The following SEC22C variants were observed in gnomAD, a reference collection of about 807,000 sequenced individuals.
SEC22C encodes the protein vesicle-trafficking protein SEC22c.
Under a neutral mutation model 34.7 loss-of-function variants are expected in SEC22C, and 29 were observed. The ratio of observed to expected loss-of-function variants is 0.84; its 90% confidence interval spans 0.62 to 1.14. The LOEUF is 1.14. Among genes scored for constraint, SEC22C ranks in the 50% most tolerant of loss-of-function variants. SEC22C has a pLI of 0.00. For missense variants in SEC22C, 337 were observed against 369.0 expected (o/e 0.91, Z 0.71); for synonymous variants, 117 against 132.8 (o/e 0.88, Z 0.82).
At chr3:42,562,223 T>C (rs1458348513) in intron 3 of SEC22C, among the ~76,000 whole-genome samples, 6 of 152,170 alleles carry the variant, frequency 3.9e-5, no homozygotes, top group African/African-American at 1.4e-4. Flanking sequence ...TGAGCAAACA[T>C]GATGCTGGAA....
At position 42,594,443 on chromosome 3, in the gene SEC22C, A is replaced by G. The variant is rs138199530; in HGVS notation, c.-28+6517T>C. The G allele has an allele frequency of 8.1e-5, 130 of 1,613,954 alleles. 1 individual carries two copies. The Middle Eastern group carries it at 1.5e-3, about 18-fold the overall frequency. ...ATAGGTACCAGCATGTGTTACATAG[A>G]AATCTCATTTATTTGGCTACCATTG... is the stretch of plus-strand genomic sequence containing the variant. On this transcript the variant is annotated intron_variant, in intron 1 of 6. Coordinates refer to the SEC22C transcript ENST00000417572.
At chr3:42,558,267 G>A (rs1022310179) in intron 4 of SEC22C, among the ~76,000 whole-genome samples, 1 of 151,672 alleles carries the variant, frequency 6.6e-6, no homozygotes, top group Non-Finnish European at 1.5e-5. Flanking sequence ...GATCACGTCA[G>A]CCCAGGAGTT....
chr3:42,549,035 T>A lies in SEC22C; in HGVS notation c.*4213A>T. The A allele has an allele frequency of 3.0e-6, 3 of 988,944 alleles. No individual in the cohort carries two copies. In the South Asian group the frequency reaches 1.3e-4, roughly 41 times the overall value. 61.3% of individuals were successfully genotyped at this position (988,944 alleles called of 1,614,324 possible). On this transcript the variant is annotated 3_prime_UTR_variant, in exon 7 of 7. Coordinates refer to ENST00000264454, the MANE Select transcript of SEC22C (RefSeq NM_032970.4). ...GGGCAGTGATTTGTGCACTGCGACA[T>A]AGGACTCAGTGAAGAGCCTAGCCAG...
chr3:42,555,849 T>C (rs1332845734), intron 6 of SEC22C, 81 bp downstream of exon 6: 9 of 1,192,270 alleles, frequency 7.5e-6, no homozygotes, highest in African/African-American at 1.5e-5. Context: ...AAATCACATC[T>C]AGAAACTTGC....
Position 42,556,091 on chromosome 3 carries a change from T to C in SEC22C, c.646-96A>G, listed in dbSNP as rs944860594. On this transcript the variant is annotated intron_variant, in intron 5 of 6. Transcript: ENST00000264454. ...TTACTCTGCCTTCTGTCTGGTATGGTTGACAGTACAAAATCCCTGGCTGGG... is the reference window on the plus strand; with the variant it reads ...TTACTCTGCCTTCTGTCTGGTATGGCTGACAGTACAAAATCCCTGGCTGGG... 3.3e-6 allele frequency: 3 copies of C among 905,942 alleles called. No homozygotes were observed. The African/African-American group carries it at 5.1e-5, about 15-fold the overall frequency. 56.1% of individuals were successfully genotyped at this position (905,942 alleles called of 1,614,324 possible). A position where few individuals can be genotyped will look rare whatever the true frequency, so the allele number is the denominator to read the frequency against.
chr3:42,598,921 A>ATAGATCTATAGATATCTAGATATCTG (rs895126914), intron 1 of SEC22C, among the ~76,000 whole-genome samples: 4 of 146,086 alleles, frequency 2.7e-5, no homozygotes, highest in African/African-American at 7.7e-5. Flanking sequence ...ATATATATCT[A>ATAGATCTATAGATATCTAGATATCTG]TAGATCTATA....
chr3:42,586,075 C>A (rs187486464), upstream of SEC22C, among the ~76,000 whole-genome samples: 1 of 152,298 alleles, frequency 6.6e-6, no homozygotes, highest in Non-Finnish European at 1.5e-5. Context: ...CCTTTACAAC[C>A]AAACCTCATG....
chr3:42,579,607 C>CAAAAAAA (rs1279147159), intron 1 of SEC22C: 1 of 85,780 alleles, frequency 1.2e-5, no homozygotes, highest in Non-Finnish European at 2.7e-5. Flanking sequence ...TCTCAAAAAA[C>CAAAAAAA]AAAAAAAAAA....
At chr3:42,588,612 G>A (rs779574815) in intron 1 of SEC22C, among the ~76,000 whole-genome samples, 3 of 152,032 alleles carry the variant, frequency 2.0e-5, no homozygotes, top group African/African-American at 2.4e-5. Context: ...CATAAGATTG[G>A]TAAGCAAGTC....
rs769749915 is a variant in SEC22C, at chr3:42,548,685, C to T, written c.*4563G>A. The T allele has an allele frequency of 1.9e-6, 3 of 1,614,048 alleles. No individual in the cohort carries two copies. The highest frequency in any genetic ancestry group is 4.5e-5 in the East Asian group (2 of 44,876). On this transcript the variant is annotated 3_prime_UTR_variant, in exon 7 of 7. Transcript: ENST00000264454. ...GGAATAAACCAAACATCAATGGTAC[C>T]ATGCGCTCTGTGCCCAGGGAGTGAA...
chr3:42,548,085 CTGAG>C lies in SEC22C; in HGVS notation c.*5159_*5162del, dbSNP rs1033064704. The stretch of plus-strand genomic sequence containing the variant: ...TTTTATACAAGTTTAGGTTGTACTA[CTGAG>C]TTTGTTAAAATGTACCCATTATTTA... On this transcript the variant is annotated 3_prime_UTR_variant, in exon 7 of 7. Coordinates refer to ENST00000264454, the MANE Select transcript of SEC22C (RefSeq NM_032970.4). The C allele has an allele frequency of 4.6e-5, 7 of 153,504 alleles. No homozygotes were observed. Among genetic ancestry groups the C allele is most frequent in the African/African-American group, 1.7e-4 (7 of 41,428 alleles). The allele number at this position is 153,504 out of a possible 1,614,324, so 9.5% of individuals were successfully genotyped here.
Position 42,548,796 on chromosome 3 carries a change from T to G in SEC22C, c.*4452A>C, listed in dbSNP as rs1702106690. On this transcript the variant is annotated 3_prime_UTR_variant, in exon 7 of 7. Transcript: ENST00000264454. ...TTACACTGTAGTATAACAAAATGCC[T>G]TTTTGTAAAGGCCAGAAGAAATGGC... is the stretch of plus-strand genomic sequence containing the variant. The G allele has an allele frequency of 8.8e-6, 13 of 1,481,976 alleles. 1 individual carries two copies. In the South Asian group the frequency reaches 1.7e-4, roughly 20 times the overall value. The allele number at this position is 1,481,976 out of a possible 1,614,324, so 91.8% of individuals were successfully genotyped here.
At chr3:42,561,015 C>A in intron 4 of SEC22C, 102 bp downstream of exon 4, 1 of 1,185,914 alleles carries the variant, frequency 8.4e-7, no homozygotes, top group Non-Finnish European at 1.2e-6. Flanking sequence ...TTATACTACT[C>A]CCTCTCCCCA....
Position 42,557,822 on chromosome 3 carries a change from A to G in SEC22C, c.527-126T>C, listed in dbSNP as rs182282988. On this transcript the variant is annotated intron_variant, in intron 4 of 6. Coordinates refer to ENST00000264454, the MANE Select transcript of SEC22C (RefSeq NM_032970.4). The stretch of plus-strand genomic sequence containing the variant: ...CTATGTTAAACATAGAATTACAAAC[A>G]TATTAATTGTAAAAGCAGCAGAAGT... 3.2e-5 allele frequency: 16 copies of G among 496,126 alleles called. No homozygotes were observed. The Admixed American group carries it at 4.3e-4, about 13-fold the overall frequency. The allele number at this position is 496,126 out of a possible 1,614,324, so 30.7% of individuals were successfully genotyped here.
intron 1 of SEC22C, chr3:42,581,208 C>T (rs1704320537): frequency 6.6e-6 from 1 of 152,146 alleles, no homozygotes; most frequent in Admixed American, 6.5e-5. Context: ...AAATATTACC[C>T]TATATGTTGG....
At chr3:42,568,541 G>A (rs1703402390) in intron 2 of SEC22C, among the ~76,000 whole-genome samples, 1 of 151,918 alleles carries the variant, frequency 6.6e-6, no homozygotes. Flanking sequence ...AGCTACTCAG[G>A]AGGCTGAGGC....
chr3:42,590,076 A>G (rs1237023801), intron 1 of SEC22C, among the ~76,000 whole-genome samples: 1 of 151,812 alleles, frequency 6.6e-6, no homozygotes, highest in African/African-American at 2.4e-5. Flanking sequence ...TGGAGAAAAT[A>G]CCAGTGCTTT....
rs1703057681 is a variant in SEC22C at position 42,563,644 on chromosome 3, G to T, written c.225C>A (p.Ser75=). The change falls in exon 3 of 7, where the codon TCC becomes TCA. Residue 75 remains serine (S), a synonymous_variant. Coordinates refer to ENST00000264454, the MANE Select transcript of SEC22C (RefSeq NM_032970.4). ...AGGCCATGGCTGCTGGACACTGGCAGGAGCAGATAGCCATGCAGGCCACGT... is the reference window on the plus strand; with the variant it reads ...AGGCCATGGCTGCTGGACACTGGCATGAGCAGATAGCCATGCAGGCCACGT... The part of the protein sequence containing the change: ...FGDVACMAIC[S]CQCPAAMAFC... 1 of 1,614,036 alleles carries T rather than the reference G, an allele frequency of 6.2e-7. No homozygotes were observed. Among genetic ancestry groups the T allele is most frequent in the Non-Finnish European group, 8.5e-7 (1 of 1,180,018 alleles).
chr3:42,580,216 G>C (rs915972294), intron 1 of SEC22C, among the ~76,000 whole-genome samples: 1 of 151,948 alleles, frequency 6.6e-6, no homozygotes, highest in African/African-American at 2.4e-5. Context: ...CCTACCACAT[G>C]CACTGAGAGA....
Sources: allele counts gnomAD v4.1 joint callset (sites outside exome capture counted in the v4.1 genomes callset), GRCh38; gene constraint gnomAD v4.1.1; transcripts MANE v1.5; gene names NCBI Gene and HGNC (gene_info 2026-07-23, HGNC 2026-07-21).